Variants in SUN1 observed in about 807,000 individuals in gnomAD.
SUN1 encodes the protein SUN domain-containing protein 1.
A neutral mutation model predicts 103.2 loss-of-function variants in SUN1; 61 were observed. The observed-to-expected ratio is 0.59, with a 90% CI of 0.48 to 0.73. SUN1 has a LOEUF of 0.73. SUN1 is among the 30% of genes least tolerant of loss of function. The probability of loss-of-function intolerance (pLI) is 0.00; values close to 1 mark genes in which losing one functional copy is unlikely to be tolerated. For synonymous variants in SUN1, 490 were observed against 425.7 expected, an observed-to-expected ratio of 1.15 and a Z score of -1.86; for missense variants, 1,052 against 1,034.6, an observed-to-expected ratio of 1.02 and a Z score of -0.23.
chr7:866,387 C>T (rs1011852269), intron 16 of SUN1, among the ~76,000 whole-genome samples: 6 of 152,112 alleles, frequency 3.9e-5, no homozygotes, highest in African/African-American at 9.7e-5. Context: ...CTGCTCGGGC[C>T]GTGGGTCTTC....
At chr7:837,997 A>G (rs1014233460) in intron 1 of SUN1, among the ~76,000 whole-genome samples, 1 of 152,268 alleles carries the variant, frequency 6.6e-6, no homozygotes, top group Non-Finnish European at 1.5e-5. Flanking sequence ...TCTAAGTTAA[A>G]GAAGAACCTC....
chr7:848,114 G>A (rs925914373), intron 5 of SUN1, among the ~76,000 whole-genome samples: 7 of 150,858 alleles, frequency 4.6e-5, no homozygotes, highest in South Asian at 2.1e-4. Flanking sequence ...TACCCTCTCC[G>A]GGATCCCCTG....
At chr7:825,518 T>C (rs1377070789) in intron 1 of SUN1, among the ~76,000 whole-genome samples, 1 of 152,270 alleles carries the variant, frequency 6.6e-6, no homozygotes, top group Non-Finnish European at 1.5e-5. Flanking sequence ...GCGTGTTCAC[T>C]TGTGTGTATG....
chr7:839,834 G>C (rs1286109396), intron 2 of SUN1, among the ~76,000 whole-genome samples: 1 of 152,084 alleles, frequency 6.6e-6, no homozygotes, highest in African/African-American at 2.4e-5. Flanking sequence ...GATTACAGGC[G>C]TGAGCCACTG....
At chr7:817,846 A>C (rs1159256646) in intron 1 of SUN1, among the ~76,000 whole-genome samples, 5 of 152,094 alleles carry the variant, frequency 3.3e-5, no homozygotes, top group Non-Finnish European at 7.3e-5. Context: ...CTGTTCTGGA[A>C]ATACTACTGT....
At chr7:850,093 T>A (rs1820478204) in intron 5 of SUN1, 1 of 1,451,112 alleles carries the variant, frequency 6.9e-7, no homozygotes, top group Non-Finnish European at 9.3e-7. Context: ...TTGTGTCTTG[T>A]GTGGTTTGTG....
intron 5 of SUN1, among the ~76,000 whole-genome samples, chr7:844,533 C>G (rs1263337989): frequency 2.0e-5 from 3 of 152,254 alleles, no homozygotes; most frequent in Non-Finnish European, 4.4e-5. Flanking sequence ...ACCATCTTGT[C>G]TTCGTGGCCC....
chr7:816,702 C>T, intron 1 of SUN1: 1 of 151,668 alleles, frequency 6.6e-6, no homozygotes, highest in Non-Finnish European at 1.5e-5. Context: ...GGGCCAAGGG[C>T]ACCCCGGGGC....
Position 839,109 on chromosome 7 carries a change from G to A in SUN1, c.266+123G>A, listed in dbSNP as rs192324067. 168 of 947,714 alleles carry A rather than the reference G, an allele frequency of 1.8e-4. 1 individual carries two copies. The African/African-American group carries it at 1.9e-3, about 11-fold the overall frequency. The allele number at this position is 947,714 out of a possible 1,614,324, so 58.7% of individuals were successfully genotyped here. ...CTTAAGGATATGTGTGTGTATGTGC[G>A]TGTACAGACACACAAACCTGTCATA... On this transcript the variant is annotated intron_variant, in intron 2 of 18. Coordinates refer to ENST00000401592, the MANE Select transcript of SUN1 (RefSeq NM_001130965.3).
At chr7:828,798 C>T (rs915927370), upstream of SUN1, among the ~76,000 whole-genome samples, 4 of 152,204 alleles carry the variant, frequency 2.6e-5, no homozygotes, top group African/African-American at 9.7e-5. Flanking sequence ...CCCGTCCATC[C>T]TCCAGAAGCC....
In SUN1 at chr7:850,428, T is replaced by C. The variant is rs1242098977; in HGVS notation, c.659-956T>C. The stretch of plus-strand genomic sequence containing the variant: ...GTTAGCCAGGATGGTCTCGATTTCC[T>C]GACCTAGTGATCTGCCTGCCTCGGC... On this transcript the variant is annotated intron_variant, in intron 5 of 18. Coordinates refer to ENST00000401592, the MANE Select transcript of SUN1 (RefSeq NM_001130965.3). 2.4e-4 allele frequency: 39 copies of C among 162,936 alleles called. 1 individual carries two copies. Among genetic ancestry groups the C allele is most frequent in the Admixed American group, 2.3e-3 (39 of 16,846 alleles). The allele number at this position is 162,936 out of a possible 1,614,324, so 10.1% of individuals were successfully genotyped here. A position where few individuals can be genotyped will look rare whatever the true frequency, so the allele number is the denominator to read the frequency against.
intron 5 of SUN1, among the ~76,000 whole-genome samples, chr7:844,838 C>T (rs1420650091): frequency 6.6e-6 from 1 of 152,144 alleles, no homozygotes; most frequent in African/African-American, 2.4e-5. Context: ...GAGCCTGGAG[C>T]TGAACCCAGG....
At chr7:867,262 C>G (rs993362102) in intron 16 of SUN1, among the ~76,000 whole-genome samples, 1 of 152,268 alleles carries the variant, frequency 6.6e-6, no homozygotes, top group Non-Finnish European at 1.5e-5. Context: ...CAGGCAGACG[C>G]AGCCTCTGCT....
intron 1 of SUN1, among the ~76,000 whole-genome samples, chr7:825,080 G>A (rs977174020): frequency 1.1e-4 from 16 of 150,554 alleles, no homozygotes; most frequent in Admixed American, 3.3e-4. Context: ...TTTTTTTTAG[G>A]CGGAGTCTTG....
chr7:860,459 G>GAA, intron 14 of SUN1, 77 bp downstream of exon 14: 1 of 1,566,316 alleles, frequency 6.4e-7, no homozygotes, highest in Non-Finnish European at 8.6e-7. Context: ...TGTGAGGTGT[G>GAA]GATGTTGATG....
Position 873,214 on chromosome 7 carries a change from G to A in SUN1, c.2242-1G>A. 6.2e-7 allele frequency: 1 copy of A among 1,614,124 alleles called. No homozygotes were observed. Among genetic ancestry groups the A allele is most frequent in the Non-Finnish European group, 8.5e-7 (1 of 1,179,962 alleles). On this transcript the variant is annotated splice_acceptor_variant, in intron 18 of 18. Transcript: ENST00000401592. LOFTEE classifies it high-confidence loss of function. ...GTGTGTTTTTCCCACCTTGATTTCA[G>A]AAAAGACCCGACGACACAGCTTTCC... is the stretch of plus-strand genomic sequence containing the variant.
At chr7:848,349 C>T (rs1818541048) in intron 5 of SUN1, 5 of 1,275,842 alleles carry the variant, frequency 3.9e-6, no homozygotes, top group Middle Eastern at 2.2e-4. Context: ...AATTTGGCTA[C>T]CTGACTTATC....
intron 5 of SUN1, chr7:849,581 C>T (rs1306298148): frequency 2.8e-6 from 4 of 1,435,956 alleles, no homozygotes; most frequent in East Asian, 7.1e-5. Context: ...ATGGCCACCT[C>T]AGTGTAAATG....
Position 842,024 on chromosome 7 carries a change from C to T in SUN1, c.345C>T (p.Gly115=), listed in dbSNP as rs538774385. The part of the protein sequence containing the change: ...NHVSRQVTSS[G]VSHGGTVSLQ... Reference sequence around the variant, plus strand: ...TGTCAAGGCAGGTCACGTCCTCTGGCGTCAGCCACGGCGGCACTGTCAGCC... The same window carrying T: ...TGTCAAGGCAGGTCACGTCCTCTGGTGTCAGCCACGGCGGCACTGTCAGCC... The change falls in exon 3 of 19, where the codon GGC becomes GGT. Residue 115 remains glycine (G), a synonymous_variant. Transcript: ENST00000401592. 89 of 1,614,166 alleles carry T rather than the reference C, an allele frequency of 5.5e-5. No homozygotes were observed. The highest frequency in any genetic ancestry group is 7.0e-5 in the Non-Finnish European group (83 of 1,180,026).
Sources: allele counts gnomAD v4.1 joint callset (sites outside exome capture counted in the v4.1 genomes callset), GRCh38; gene constraint gnomAD v4.1.1; transcripts MANE v1.5; gene names NCBI Gene and HGNC (gene_info 2026-07-23, HGNC 2026-07-21).